The following DSCAM variants were observed in gnomAD, a reference collection of about 807,000 sequenced individuals.
DSCAM encodes the protein cell adhesion molecule DSCAM.
Under a neutral mutation model 217.7 loss-of-function variants are expected in DSCAM, and 47 were observed. The ratio of observed to expected loss-of-function variants is 0.22; its 90% CI spans 0.17 to 0.28. The LOEUF (loss-of-function observed/expected upper bound fraction) is 0.28, where lower values mean the gene tolerates loss of function less well. DSCAM is among the 10% of genes least tolerant of loss of function. DSCAM has a pLI of 1.00. For missense variants in DSCAM, 2,080 were observed against 2,618.3 expected (o/e 0.79, Z 4.49); for synonymous variants, 1,056 against 1,015.3 (o/e 1.04, Z -0.76).
At chr21:40,326,802 G>A (rs1396248587) in intron 8 of DSCAM, among the ~76,000 whole-genome samples, 4 of 151,768 alleles carry the variant, frequency 2.6e-5, no homozygotes, top group Non-Finnish European at 5.9e-5. Flanking sequence ...ATGGGAGGCT[G>A]GTCTAGATGA....
At chr21:40,394,087 C>T (rs543786606) in intron 3 of DSCAM, among the ~76,000 whole-genome samples, 2 of 152,298 alleles carry the variant, frequency 1.3e-5, no homozygotes, top group South Asian at 4.1e-4. Context: ...CTGATAAATT[C>T]ATGGAATAGT....
intron 11 of DSCAM, among the ~76,000 whole-genome samples, chr21:40,231,982 G>T (rs536735835): frequency 6.6e-6 from 1 of 152,310 alleles, no homozygotes; most frequent in South Asian, 2.1e-4. Flanking sequence ...CATTTTAGGT[G>T]ATTAATATTT....
chr21:40,149,961 T>TCAC (rs2090406649), intron 16 of DSCAM, among the ~76,000 whole-genome samples: 1 of 152,160 alleles, frequency 6.6e-6, no homozygotes, highest in Non-Finnish European at 1.5e-5. Flanking sequence ...CATCATTCCA[T>TCAC]TACTATCCCA....
intron 1 of DSCAM, among the ~76,000 whole-genome samples, chr21:40,752,203 G>C (rs1351310042): frequency 6.6e-6 from 1 of 152,186 alleles, no homozygotes. Flanking sequence ...ATCCAGAAAG[G>C]AGAGAAGGCT....
chr21:40,078,264 G>A (rs769480727), intron 26 of DSCAM, among the ~76,000 whole-genome samples: 7 of 152,132 alleles, frequency 4.6e-5, no homozygotes, highest in Non-Finnish European at 7.3e-5. Flanking sequence ...ATGGAAAATT[G>A]TTTTTGCACA....
intron 27 of DSCAM, among the ~76,000 whole-genome samples, chr21:40,072,630 G>T (rs1275916528): frequency 6.6e-6 from 1 of 152,222 alleles, no homozygotes; most frequent in African/African-American, 2.4e-5. Context: ...TTACAGGTGT[G>T]AGCCACCGCA....
At chr21:40,271,390 C>T (rs922975852) in intron 11 of DSCAM, among the ~76,000 whole-genome samples, 5 of 152,150 alleles carry the variant, frequency 3.3e-5, no homozygotes, top group East Asian at 1.9e-4. Flanking sequence ...AAAAGCAGAG[C>T]GGCTTGTTCA....
chr21:40,682,587 G>T (rs541035125), intron 3 of DSCAM, among the ~76,000 whole-genome samples: 32 of 130,268 alleles, frequency 2.5e-4, no homozygotes, highest in Admixed American at 4.5e-4. Context: ...AAGAGAGAAA[G>T]AGAGAGAGAA....
chr21:40,040,640 G>A (rs926161193), intron 32 of DSCAM, among the ~76,000 whole-genome samples: 1 of 152,196 alleles, frequency 6.6e-6, no homozygotes, highest in Non-Finnish European at 1.5e-5. Context: ...GGGGATTCTA[G>A]CAACCCAGTG....
intron 1 of DSCAM, among the ~76,000 whole-genome samples, chr21:40,834,218 C>G (rs138953121): frequency 2.6e-5 from 4 of 151,634 alleles, no homozygotes; most frequent in Admixed American, 2.6e-4. Context: ...ACCATCCTGG[C>G]TAACATGGTG....
chr21:40,438,649 G>A (rs1213903628), intron 3 of DSCAM, among the ~76,000 whole-genome samples: 1 of 152,128 alleles, frequency 6.6e-6, no homozygotes, highest in African/African-American at 2.4e-5. Flanking sequence ...CTACCATGTT[G>A]GCCCGAGAAA....
chr21:40,241,785 G>T lies in DSCAM; in HGVS notation c.2356+34312C>A, dbSNP rs145714518. Among the ~76,000 whole-genome samples, 1,314 of 152,264 alleles carry T rather than the reference G, an allele frequency of 8.6e-3. 8 individuals are homozygous for T. Among genetic ancestry groups the T allele is most frequent in the Middle Eastern group, 0.034 (10 of 294 alleles). On this transcript the variant is annotated intron_variant, in intron 11 of 32. Coordinates refer to ENST00000400454, the MANE Select transcript of DSCAM (RefSeq NM_001389.5). ...TGACAGATTGAATAAAGAAACTGCC[G>T]TATATATACACCATGGAATACCATG...
chr21:40,599,966 A>G (rs1295448690), intron 3 of DSCAM, among the ~76,000 whole-genome samples: 1 of 152,226 alleles, frequency 6.6e-6, no homozygotes, highest in Non-Finnish European at 1.5e-5. Context: ...AGTCATTAAT[A>G]GCCTACCAAC....
At chr21:40,479,842 T>G (rs768400754) in intron 3 of DSCAM, among the ~76,000 whole-genome samples, 18 of 152,138 alleles carry the variant, frequency 1.2e-4, no homozygotes, top group Non-Finnish European at 2.1e-4. Context: ...ATCCTAGCAG[T>G]GAAGAAAAAT....
intron 15 of DSCAM, among the ~76,000 whole-genome samples, chr21:40,178,723 T>C (rs1278186437): frequency 6.6e-6 from 1 of 152,230 alleles, no homozygotes; most frequent in Admixed American, 6.5e-5. Flanking sequence ...AAACTTGAAC[T>C]AAATCCTATT....
At chr21:40,836,929 T>A (rs2092061839) in intron 1 of DSCAM, among the ~76,000 whole-genome samples, 1 of 152,162 alleles carries the variant, frequency 6.6e-6, no homozygotes. Context: ...AACGCTGGCA[T>A]CAGAATTTCC....
chr21:40,375,452 T>A (rs1471415821), intron 3 of DSCAM, among the ~76,000 whole-genome samples: 3 of 152,246 alleles, frequency 2.0e-5, no homozygotes, highest in Non-Finnish European at 4.4e-5. Context: ...GTACTTCTTT[T>A]AATTGCTCTG....
At chr21:40,816,838 G>A (rs997178576) in intron 1 of DSCAM, among the ~76,000 whole-genome samples, 4 of 151,900 alleles carry the variant, frequency 2.6e-5, no homozygotes, top group Non-Finnish European at 4.4e-5. Context: ...ATTTCTAAAG[G>A]TCTCAATAGA....
chr21:40,538,877 ACCTAGTTCTCTGGG>A (rs1174902843), intron 3 of DSCAM, among the ~76,000 whole-genome samples: 6 of 152,178 alleles, frequency 3.9e-5, no homozygotes, highest in African/African-American at 1.4e-4. Flanking sequence ...GAAGGGCAAT[ACCTAGTTCTCTGGG>A]TTCCGTCTTT....
Sources: gnomAD v4.1 joint callset for allele counts (sites outside exome capture counted in the v4.1 genomes callset) on GRCh38, gnomAD v4.1.1 for gene constraint, MANE v1.5 for transcripts, NCBI Gene and HGNC (gene_info 2026-07-23, HGNC 2026-07-21) for gene names.